The following CDON variants were observed in gnomAD, a reference collection of about 807,000 sequenced individuals.
CDON encodes cell adhesion associated, oncogene regulated, also known as cell adhesion molecule-related/down-regulated by oncogenes.
Under a neutral mutation model 120.9 loss-of-function variants are expected in CDON, and 73 were observed. The ratio of observed to expected loss-of-function variants is 0.60; its 90% CI spans 0.50 to 0.73. The LOEUF (loss-of-function observed/expected upper bound fraction) is 0.73. Ranked by LOEUF, CDON falls within the 30% of genes least tolerant of loss-of-function variation. CDON has a pLI of 0.00. For synonymous variants in CDON, 566 were observed against 573.5 expected (o/e 0.99, Z 0.19); for missense variants, 1,470 against 1,587.3 (o/e 0.93, Z 1.26).
chr11:126,056,776 CTCT>C (rs1948691495), intron 1 of CDON, among the ~76,000 whole-genome samples: 4 of 152,350 alleles, frequency 2.6e-5, no homozygotes, highest in Middle Eastern at 3.4e-3. Context: ...GTGGCCAAAA[CTCT>C]TCTTCCTGAT....
At chr11:126,010,135 T>C (rs1031222916) in intron 8 of CDON, among the ~76,000 whole-genome samples, 2 of 152,122 alleles carry the variant, frequency 1.3e-5, no homozygotes, top group Non-Finnish European at 2.9e-5. Flanking sequence ...ACCTACAATC[T>C]TAACAAACAC....
At chr11:126,011,174 C>T (rs1435579319) in intron 7 of CDON, among the ~76,000 whole-genome samples, 1 of 151,692 alleles carries the variant, frequency 6.6e-6, no homozygotes, top group Non-Finnish European at 1.5e-5. Flanking sequence ...TCAATAAAAG[C>T]TGATACTGAT....
chr11:125,977,947 C>G (rs1946192268), intron 18 of CDON, among the ~76,000 whole-genome samples: 2 of 152,124 alleles, frequency 1.3e-5, no homozygotes, highest in South Asian at 4.2e-4. Flanking sequence ...CACTGTCATT[C>G]ATCCTCATAA....
chr11:126,002,688 G>T (rs1490658844), intron 10 of CDON, among the ~76,000 whole-genome samples: 2 of 152,094 alleles, frequency 1.3e-5, no homozygotes, highest in African/African-American at 4.8e-5. Flanking sequence ...GGCATATTCT[G>T]GTCTCTTTGC....
chr11:125,995,385 T>C (rs950447959), intron 12 of CDON, among the ~76,000 whole-genome samples: 2 of 152,196 alleles, frequency 1.3e-5, no homozygotes, highest in African/African-American at 4.8e-5. Context: ...CACCATCCTG[T>C]TCTAAGTCAT....
chr11:125,997,138 T>TGGTAAAG, intron 12 of CDON, 69 bp downstream of exon 12: 1 of 1,254,100 alleles, frequency 8.0e-7, no homozygotes, highest in Non-Finnish European at 1.2e-6. Context: ...AGACCCTGTC[T>TGGTAAAG]CAAAATATAT....
At chr11:125,981,941 G>GT (rs1211649256) in intron 16 of CDON, among the ~76,000 whole-genome samples, 1 of 137,446 alleles carries the variant, frequency 7.3e-6, no homozygotes, top group Non-Finnish European at 1.5e-5. Flanking sequence ...AAGGTGTGGA[G>GT]TACCAAAGGC....
intron 1 of CDON, among the ~76,000 whole-genome samples, chr11:126,045,034 TATAG>T (rs1313087623): frequency 6.6e-6 from 1 of 151,766 alleles, no homozygotes; most frequent in African/African-American, 2.4e-5. Context: ...AAAATATATA[TATAG>T]AGAGAGAGAC....
chr11:125,994,764 A>G (rs937738645), intron 13 of CDON, 107 bp downstream of exon 13: 2 of 1,002,146 alleles, frequency 2.0e-6, no homozygotes, highest in Non-Finnish European at 3.1e-6. Flanking sequence ...CTTCCCCTCA[A>G]TTAAAAGTTC....
intron 14 of CDON, among the ~76,000 whole-genome samples, chr11:125,993,770 A>G (rs550907032): frequency 1.3e-5 from 2 of 152,344 alleles, no homozygotes; most frequent in South Asian, 4.1e-4. Flanking sequence ...TTCAGGCCAT[A>G]GGCAAAATTG....
intron 6 of CDON, 93 bp downstream of exon 6, chr11:126,016,995 C>T (rs1258424287): frequency 1.2e-5 from 13 of 1,047,656 alleles, no homozygotes; most frequent in African/African-American, 1.6e-5. Flanking sequence ...TAGATACTCC[C>T]TATTTCAATT....
chr11:125,973,018 C>CTTTTTTTTTTTTTTTTTTTTTTTTT (rs35828939), intron 18 of CDON, among the ~76,000 whole-genome samples: 5 of 87,036 alleles, frequency 5.7e-5, no homozygotes, highest in South Asian at 5.4e-4. Flanking sequence ...ATTACTTGGT[C>CTTTTTTTTTTTTTTTTTTTTTTTTT]TTTTTTTTTT....
At chr11:125,964,113 A>G (rs1431236642) in intron 18 of CDON, among the ~76,000 whole-genome samples, 4 of 152,184 alleles carry the variant, frequency 2.6e-5, no homozygotes, top group Non-Finnish European at 5.9e-5. Context: ...TTAGTCTCCC[A>G]ATACTCAGGG....
chr11:126,056,314 C>T (rs539619022), intron 1 of CDON, among the ~76,000 whole-genome samples: 4 of 152,156 alleles, frequency 2.6e-5, no homozygotes, highest in Admixed American at 1.3e-4. Flanking sequence ...ACTATTTCAA[C>T]GCTCCCAACC....
At chr11:126,043,740 T>C (rs965908155) in intron 1 of CDON, among the ~76,000 whole-genome samples, 4 of 152,212 alleles carry the variant, frequency 2.6e-5, no homozygotes, top group African/African-American at 9.6e-5. Flanking sequence ...GAGTACACAG[T>C]TGCGCTTACA....
intron 1 of CDON, among the ~76,000 whole-genome samples, chr11:126,029,267 A>T (rs1323010221): frequency 2.6e-5 from 4 of 152,238 alleles, no homozygotes; most frequent in Admixed American, 2.6e-4. Context: ...AGGCATGGGC[A>T]TTGCAGGCCA....
intron 1 of CDON, among the ~76,000 whole-genome samples, chr11:126,041,803 C>T (rs1038210160): frequency 1.3e-5 from 2 of 152,216 alleles, no homozygotes; most frequent in African/African-American, 4.8e-5. Context: ...TGCCACAATG[C>T]TAATTTAACC....
intron 11 of CDON, among the ~76,000 whole-genome samples, chr11:126,000,118 G>A (rs1352559221): frequency 2.0e-5 from 3 of 152,166 alleles, no homozygotes; most frequent in South Asian, 2.1e-4. Context: ...GTATAATCTC[G>A]AGCATAAGCA....
At chr11:125,963,889 CAGA>C (rs1359293850) in intron 18 of CDON, among the ~76,000 whole-genome samples, 10 of 152,170 alleles carry the variant, frequency 6.6e-5, no homozygotes, top group African/African-American at 2.4e-4. Flanking sequence ...AGCTCTGGTG[CAGA>C]AGGACGTTAA....
Sources: allele counts gnomAD v4.1 joint callset (sites outside exome capture counted in the v4.1 genomes callset), GRCh38; gene constraint gnomAD v4.1.1; transcripts MANE v1.5; gene names NCBI Gene and HGNC (gene_info 2026-07-23, HGNC 2026-07-21).